Variants in MBOAT1 observed in about 807,000 individuals in gnomAD.
MBOAT1 encodes the protein membrane-bound glycerophospholipid O-acyltransferase 1.
In MBOAT1, 67 loss-of-function variants were observed where a neutral mutation model predicts 64.4. The observed-to-expected ratio is 1.04, with a 90% CI of 0.85 to 1.27. The LOEUF (loss-of-function observed/expected upper bound fraction) is 1.27, where lower values mean the gene tolerates loss of function less well. MBOAT1 is among the 50% of genes most tolerant of loss of function. The probability of loss-of-function intolerance (pLI) is 0.00; values close to 1 mark genes in which losing one functional copy is unlikely to be tolerated. For missense variants in MBOAT1, 563 were observed against 604.6 expected, an observed-to-expected ratio of 0.93 and a Z score of 0.72; for synonymous variants, 229 against 218.9, an observed-to-expected ratio of 1.05 and a Z score of -0.41.
At chr6:20,194,139 C>T (rs575373937) in intron 1 of MBOAT1, among the ~76,000 whole-genome samples, 1 of 151,644 alleles carries the variant, frequency 6.6e-6, no homozygotes, top group South Asian at 2.1e-4. Flanking sequence ...AAAAAGCACG[C>T]ATTTTTAAAT....
chr6:20,121,798 TTCTCTC>T (rs70990009), intron 8 of MBOAT1, among the ~76,000 whole-genome samples: 2 of 150,246 alleles, frequency 1.3e-5, no homozygotes, highest in Non-Finnish European at 3.0e-5. Flanking sequence ...ATTAGATATA[TTCTCTC>T]TCTCTCTCTC....
chr6:20,128,814 A>G lies in MBOAT1; in HGVS notation c.476-61T>C. 4 of 1,196,970 alleles carry G rather than the reference A, an allele frequency of 3.3e-6. No individual in the cohort carries two copies. The East Asian group carries it at 9.5e-5, about 28-fold the overall frequency. The allele number at this position is 1,196,970 out of a possible 1,614,324, so 74.1% of individuals were successfully genotyped here. A position where few individuals can be genotyped will look rare whatever the true frequency, so the allele number is the denominator to read the frequency against. Reference sequence around the variant, plus strand: ...TGAAGTGAATTAGATGACAAATTATAAAAGGGTCTTATCAAAGTCATTTGA... The same window carrying G: ...TGAAGTGAATTAGATGACAAATTATGAAAGGGTCTTATCAAAGTCATTTGA... On this transcript the variant is annotated intron_variant, in intron 5 of 12. Transcript: ENST00000324607.
chr6:20,139,848 C>T (rs1223151036), intron 4 of MBOAT1, among the ~76,000 whole-genome samples: 1 of 152,140 alleles, frequency 6.6e-6, no homozygotes, highest in Non-Finnish European at 1.5e-5. Flanking sequence ...AGTCACCGTG[C>T]CCAGCCTTAA....
intron 1 of MBOAT1, among the ~76,000 whole-genome samples, chr6:20,155,164 C>G (rs545412787): frequency 6.6e-6 from 1 of 152,328 alleles, no homozygotes; most frequent in African/African-American, 2.4e-5. Flanking sequence ...TGTAGTCCCC[C>G]GACCAACAGC....
At position 20,184,012 on chromosome 6, in the gene MBOAT1, A is replaced by G. The variant is rs190500084; in HGVS notation, c.99+28124T>C. Reference sequence around the variant, plus strand: ...AATAGCATAGGAAAGACTGGCCCCCATGATTCAATTATCTCCCCCTGTGTC... The same window carrying G: ...AATAGCATAGGAAAGACTGGCCCCCGTGATTCAATTATCTCCCCCTGTGTC... On this transcript the variant is annotated intron_variant, in intron 1 of 12. Coordinates refer to ENST00000324607, the MANE Select transcript of MBOAT1 (RefSeq NM_001080480.3). Among the ~76,000 whole-genome samples, 342 of 152,352 alleles carry G rather than the reference A, an allele frequency of 2.2e-3. 1 individual carries two copies. Among genetic ancestry groups the G allele is most frequent in the African/African-American group, 7.4e-3 (309 of 41,586 alleles).
chr6:20,189,553 A>C (rs889978576), intron 1 of MBOAT1, among the ~76,000 whole-genome samples: 3 of 152,190 alleles, frequency 2.0e-5, no homozygotes, highest in African/African-American at 4.8e-5. Context: ...GACATGCACC[A>C]CTATACTCAG....
In MBOAT1 at chr6:20,212,282, C is replaced by G. The variant is rs1225672862; in HGVS notation, c.-48G>C. 2 of 1,551,840 alleles carry G rather than the reference C, an allele frequency of 1.3e-6. No individual in the cohort carries two copies. The highest frequency in any genetic ancestry group is 2.3e-5 in the East Asian group (1 of 43,612). ...GCCCCTGTCCCAGCCCGCAACACCC[C>G]CTGCTCGGCGTCCTCCCGCCCGGGT... On this transcript the variant is annotated 5_prime_UTR_variant, in exon 1 of 13. Transcript: ENST00000324607.
chr6:20,164,721 G>A (rs565587195), intron 1 of MBOAT1, among the ~76,000 whole-genome samples: 144 of 152,218 alleles, frequency 9.5e-4, no homozygotes, highest in African/African-American at 3.1e-3. Flanking sequence ...AATGCCAACC[G>A]GGAAGAAAGA....
At chr6:20,119,355 A>G (rs1760425978) in intron 8 of MBOAT1, among the ~76,000 whole-genome samples, 1 of 152,188 alleles carries the variant, frequency 6.6e-6, no homozygotes, top group Non-Finnish European at 1.5e-5. Context: ...TTTTTTTATT[A>G]TGATGACCAA....
chr6:20,181,678 T>G (rs769905679), intron 1 of MBOAT1, among the ~76,000 whole-genome samples: 1 of 152,182 alleles, frequency 6.6e-6, no homozygotes, highest in Non-Finnish European at 1.5e-5. Flanking sequence ...GCGGCCTCGG[T>G]GCCCACGCGT....
intron 1 of MBOAT1, among the ~76,000 whole-genome samples, chr6:20,182,857 C>T (rs905753611): frequency 1.3e-5 from 2 of 152,146 alleles, no homozygotes; most frequent in African/African-American, 4.8e-5. Context: ...GTGTGTTTTC[C>T]GATTGATTGT....
At chr6:20,191,146 G>C (rs572356076) in intron 1 of MBOAT1, among the ~76,000 whole-genome samples, 3 of 152,302 alleles carry the variant, frequency 2.0e-5, no homozygotes, top group South Asian at 2.1e-4. Context: ...TGTCATTACT[G>C]TAAAATCCAG....
At chr6:20,182,875 T>C (rs1056932797) in intron 1 of MBOAT1, among the ~76,000 whole-genome samples, 7 of 152,194 alleles carry the variant, frequency 4.6e-5, no homozygotes, top group Admixed American at 6.5e-5. Context: ...TGTCAACTCA[T>C]AGGAGGGGGT....
At chr6:20,201,706 G>A (rs563331523) in intron 1 of MBOAT1, among the ~76,000 whole-genome samples, 47 of 151,200 alleles carry the variant, frequency 3.1e-4, no homozygotes, top group Admixed American at 9.3e-4. Flanking sequence ...TCAGCCTCCC[G>A]AGTAGCTGGG....
intron 1 of MBOAT1, among the ~76,000 whole-genome samples, chr6:20,156,111 A>T (rs1262887736): frequency 1.3e-5 from 2 of 151,974 alleles, no homozygotes; most frequent in East Asian, 3.9e-4. Flanking sequence ...TACTAAAAAA[A>T]ATACAAAAAA....
intron 4 of MBOAT1, among the ~76,000 whole-genome samples, chr6:20,133,131 A>G (rs1169225408): frequency 4.6e-5 from 7 of 152,198 alleles, no homozygotes; most frequent in African/African-American, 1.7e-4. Flanking sequence ...TTACAGCCCA[A>G]TGGCCAGCGT....
rs938911897 is a variant in MBOAT1, at chr6:20,118,100, G to A, written c.1011+337C>T. On this transcript the variant is annotated intron_variant, in intron 9 of 12. Coordinates refer to ENST00000324607, the MANE Select transcript of MBOAT1 (RefSeq NM_001080480.3). ...CCAGTCTACATTCGTCACTGAAATA[G>A]GTAGAAAGAGAAGAGAGAGAGATGA... Among the ~76,000 whole-genome samples, 11 of 152,266 alleles carry A rather than the reference G, an allele frequency of 7.2e-5. No individual in the cohort carries two copies. The East Asian group carries it at 9.6e-4, about 13-fold the overall frequency.
At chr6:20,106,822 T>TA (rs1173474464) in intron 12 of MBOAT1, among the ~76,000 whole-genome samples, 1 of 152,148 alleles carries the variant, frequency 6.6e-6, no homozygotes, top group Non-Finnish European at 1.5e-5. Flanking sequence ...TCATCTAAAA[T>TA]AGGCCTACTT....
chr6:20,192,875 T>A (rs1227325150), intron 1 of MBOAT1, among the ~76,000 whole-genome samples: 1 of 151,948 alleles, frequency 6.6e-6, no homozygotes, highest in African/African-American at 2.4e-5. Flanking sequence ...GCCAGTGTTT[T>A]CCCCATTACC....
Sources: allele counts gnomAD v4.1 joint callset (sites outside exome capture counted in the v4.1 genomes callset), GRCh38; gene constraint gnomAD v4.1.1; transcripts MANE v1.5; gene names NCBI Gene and HGNC (gene_info 2026-07-23, HGNC 2026-07-21).